The following CHODL variants were observed in gnomAD, a reference collection of about 807,000 sequenced individuals.
The protein encoded by CHODL is chondrolectin.
CHODL carries 29 observed loss-of-function variants against 34.5 expected under a neutral mutation model. The ratio of observed to expected loss-of-function variants is 0.84; its 90% CI spans 0.63 to 1.15. The LOEUF (loss-of-function observed/expected upper bound fraction) is 1.15, where lower values mean the gene tolerates loss of function less well. Among genes scored for constraint, CHODL ranks in the 50% most tolerant of loss-of-function variants. The pLI is 0.00. For missense variants in CHODL, 332 were observed against 332.5 expected (o/e 1.00, Z 0.01); for synonymous variants, 125 against 116.1 (o/e 1.08, Z -0.49).
chr21:18,149,832 G>A (rs1037657076), intron 2 of CHODL, among the ~76,000 whole-genome samples: 5 of 152,096 alleles, frequency 3.3e-5, no homozygotes, highest in Admixed American at 6.5e-5. Flanking sequence ...TAGACTGGAC[G>A]GCGCATAAAC....
intron 1 of CHODL, among the ~76,000 whole-genome samples, chr21:18,015,047 G>T (rs936288345): frequency 6.6e-6 from 1 of 152,144 alleles, no homozygotes; most frequent in Non-Finnish European, 1.5e-5. Context: ...TTAGAGACTG[G>T]TTAAATCGTT....
intron 1 of CHODL, among the ~76,000 whole-genome samples, chr21:17,970,987 G>A (rs942076643): frequency 1.3e-5 from 2 of 151,976 alleles, no homozygotes; most frequent in Non-Finnish European, 2.9e-5. Flanking sequence ...TGTGCTGTTC[G>A]GTTTTCTGTT....
intron 1 of CHODL, among the ~76,000 whole-genome samples, chr21:17,922,787 C>T (rs1372264354): frequency 6.6e-6 from 1 of 152,070 alleles, no homozygotes; most frequent in Non-Finnish European, 1.5e-5. Flanking sequence ...TGAGACAGGT[C>T]TCAGTTAATT....
chr21:17,999,947 C>T (rs1404301391), intron 1 of CHODL, among the ~76,000 whole-genome samples: 1 of 152,046 alleles, frequency 6.6e-6, no homozygotes, highest in African/African-American at 2.4e-5. Context: ...AAATCATGCT[C>T]AAGATGAGGA....
chr21:18,240,734 A>G (rs556802700), upstream of CHODL, among the ~76,000 whole-genome samples: 69 of 152,314 alleles, frequency 4.5e-4, 1 homozygote, highest in Non-Finnish European at 6.9e-4. Context: ...ATAAAGAAGC[A>G]TTAAAAAGAA....
chr21:17,977,901 G>C (rs1265704394), intron 1 of CHODL, among the ~76,000 whole-genome samples: 1 of 97,042 alleles, frequency 1.0e-5, no homozygotes, highest in Non-Finnish European at 1.9e-5. Flanking sequence ...CTTGGCAACA[G>C]AGCAACACTC....
At chr21:18,145,392 G>A (rs1167749068) in intron 2 of CHODL, among the ~76,000 whole-genome samples, 5 of 139,690 alleles carry the variant, frequency 3.6e-5, no homozygotes, top group Middle Eastern at 4.4e-3. Context: ...AGCCAAGATC[G>A]CGCCACTGCA....
chr21:18,065,018 A>G (rs886564820), intron 2 of CHODL, among the ~76,000 whole-genome samples: 3 of 152,198 alleles, frequency 2.0e-5, no homozygotes, highest in African/African-American at 4.8e-5. Flanking sequence ...TCAGACTCCA[A>G]TCATGCTTCT....
chr21:17,971,644 A>C (rs1016105971), intron 1 of CHODL, among the ~76,000 whole-genome samples: 3 of 152,106 alleles, frequency 2.0e-5, no homozygotes, highest in Non-Finnish European at 4.4e-5. Flanking sequence ...CAAGTTCTAA[A>C]ATTGAGGCAG....
intron 1 of CHODL, among the ~76,000 whole-genome samples, chr21:17,943,688 T>C (rs2063383649): frequency 6.6e-6 from 1 of 152,144 alleles, no homozygotes; most frequent in Non-Finnish European, 1.5e-5. Context: ...ATATCTGAAT[T>C]AGAAAGGTAA....
At chr21:18,135,702 T>C (rs1735286) in intron 2 of CHODL, among the ~76,000 whole-genome samples, 105,239 of 152,070 alleles carry the variant, frequency 0.69, 36,918 homozygotes, top group Non-Finnish European at 0.76. Context: ...AAGGGTCAGA[T>C]ACTGTTTGAA....
intron 1 of CHODL, among the ~76,000 whole-genome samples, chr21:17,924,245 G>A (rs1270860368): frequency 1.3e-5 from 2 of 152,208 alleles, no homozygotes; most frequent in African/African-American, 2.4e-5. Context: ...ATCCTCCGCT[G>A]GAGTATAGCT....
intron 1 of CHODL, among the ~76,000 whole-genome samples, chr21:17,988,569 C>T (rs1042639929): frequency 1.1e-5 from 1 of 88,396 alleles, no homozygotes; most frequent in African/African-American, 4.8e-5. Flanking sequence ...CCACAACAGT[C>T]CCCAGAGTGT....
At chr21:17,953,848 A>G (rs904040252) in intron 1 of CHODL, among the ~76,000 whole-genome samples, 2 of 152,002 alleles carry the variant, frequency 1.3e-5, no homozygotes, top group Admixed American at 6.6e-5. Context: ...TGTCTCTACT[A>G]AAAATACAAA....
intron 2 of CHODL, among the ~76,000 whole-genome samples, chr21:18,163,799 A>G (rs10211959): frequency 6.6e-6 from 1 of 151,104 alleles, no homozygotes; most frequent in Non-Finnish European, 1.5e-5. Context: ...TTTCTGTGTT[A>G]AAAAAAAGGC....
In CHODL at chr21:17,992,588, C is replaced by T. The variant is rs541548392; in HGVS notation, c.-144-35284C>T. Among the ~76,000 whole-genome samples, 8 of 151,864 alleles carry T rather than the reference C, an allele frequency of 5.3e-5. No homozygotes were observed. In the South Asian group the frequency reaches 1.7e-3, roughly 32 times the overall value. On this transcript the variant is annotated intron_variant, in intron 1 of 6. Coordinates refer to the CHODL transcript ENST00000400127. ...TTTGTACCTACTGTAAATGGGATTG[C>T]TTTCTTGATGTCTTTTTTTAGATAG...
chr21:18,098,697 CAT>C (rs1287930530), intron 2 of CHODL, among the ~76,000 whole-genome samples: 5 of 152,076 alleles, frequency 3.3e-5, no homozygotes, highest in Non-Finnish European at 5.9e-5. Flanking sequence ...CTAGAAATAA[CAT>C]ATAATCCAGC....
chr21:18,091,029 G>C (rs948616366), intron 2 of CHODL, among the ~76,000 whole-genome samples: 9 of 152,230 alleles, frequency 5.9e-5, no homozygotes, highest in Admixed American at 1.3e-4. Context: ...GAGAGACTCT[G>C]CTCACTTTGG....
chr21:18,167,211 C>G (rs9637045), intron 2 of CHODL, among the ~76,000 whole-genome samples: 12,994 of 87,712 alleles, frequency 0.15, 665 homozygotes, highest in Middle Eastern at 0.21. Context: ...TTCTCTCTCT[C>G]TGTGTGTGTG....
Sources: allele counts gnomAD v4.1 joint callset (sites outside exome capture counted in the v4.1 genomes callset), GRCh38; gene constraint gnomAD v4.1.1; transcripts MANE v1.5; gene names NCBI Gene and HGNC (gene_info 2026-07-23, HGNC 2026-07-21).